Variants in C11orf65 observed in about 807,000 individuals in gnomAD.
C11orf65 encodes the protein chromosome 11 open reading frame 65, also known as protein MFI.
A neutral mutation model predicts 35.3 loss-of-function variants in C11orf65; 38 were observed. The observed-to-expected ratio is 1.08, with a 90% CI of 0.83 to 1.41. The LOEUF is 1.41. C11orf65 is among the 40% of genes most tolerant of loss of function. The pLI is 0.00. For missense variants in C11orf65, 370 were observed against 367.1 expected (o/e 1.01, Z -0.06); for synonymous variants, 105 against 114.4 (o/e 0.92, Z 0.53).
At position 108,345,885 on chromosome 11, in the gene C11orf65, G is replaced by T. The variant is rs1060501605; in HGVS notation, c.227-10593C>A. On this transcript the variant is annotated intron_variant, in intron 2 of 3. Coordinates refer to the C11orf65 transcript ENST00000524755. ...TTTGAGAAGCGATTGGCTTATACGC[G>T]CAGTGTAGCTACTTCTTCTATTGGT... 1.9e-6 allele frequency: 3 copies of T among 1,613,546 alleles called. No individual in the cohort carries two copies. The highest frequency in any genetic ancestry group is 3.3e-5 in the Admixed American group (2 of 59,972).
intron 2 of C11orf65, chr11:108,355,369 T>G (rs1223661736): frequency 5.7e-6 from 1 of 176,232 alleles, no homozygotes; most frequent in East Asian, 1.5e-4. Context: ...GTCTTAACTT[T>G]GGGACAGCTC....
At chr11:108,462,997 C>A (rs531779598) in intron 1 of C11orf65, among the ~76,000 whole-genome samples, 35 of 152,154 alleles carry the variant, frequency 2.3e-4, no homozygotes, top group African/African-American at 6.5e-4. Flanking sequence ...CAGGTTGGCA[C>A]ATACTGTAGT....
chr11:108,443,119 G>A (rs972434023), intron 2 of C11orf65, among the ~76,000 whole-genome samples: 1 of 152,122 alleles, frequency 6.6e-6, no homozygotes, highest in Admixed American at 6.5e-5. Context: ...AAGGGATGGA[G>A]GAAGATCTAA....
intron 2 of C11orf65, among the ~76,000 whole-genome samples, chr11:108,346,072 C>T (rs747357869): frequency 1.3e-5 from 2 of 152,122 alleles, no homozygotes; most frequent in Non-Finnish European, 2.9e-5. Context: ...GTTTCTTGTT[C>T]ATCCTGATTC....
chr11:108,308,664 G>A (rs950933932), exon 7 of C11orf65: 3 of 271,236 alleles, frequency 1.1e-5, no homozygotes, highest in Non-Finnish European at 2.1e-5. Context: ...TCATAAGTGT[G>A]TATGGTGGTG....
At chr11:108,444,941 C>T (rs1471496340) in intron 2 of C11orf65, among the ~76,000 whole-genome samples, 2 of 152,172 alleles carry the variant, frequency 1.3e-5, no homozygotes, top group Non-Finnish European at 2.9e-5. Context: ...TAAAAAACGG[C>T]ACACCAGGAG....
intron 7 of C11orf65, among the ~76,000 whole-genome samples, 191 bp downstream of exon 7, chr11:108,393,017 C>G (rs1172645040): frequency 6.6e-6 from 1 of 152,030 alleles, no homozygotes. Flanking sequence ...TTTCTGTTTA[C>G]TATTTTTGGA....
At chr11:108,364,759 A>G (rs1450525472) in intron 2 of C11orf65, among the ~76,000 whole-genome samples, 1 of 152,210 alleles carries the variant, frequency 6.6e-6, no homozygotes, top group Non-Finnish European at 1.5e-5. Flanking sequence ...AAGCAAATAC[A>G]CTAACCCAGG....
At chr11:108,458,489 C>A (rs1240166681) in intron 2 of C11orf65, among the ~76,000 whole-genome samples, 1 of 151,990 alleles carries the variant, frequency 6.6e-6, no homozygotes, top group Non-Finnish European at 1.5e-5. Flanking sequence ...TCAGGATCAG[C>A]ACAAATCATG....
chr11:108,393,476 T>G, intron 6 of C11orf65, 98 bp from the exon 7 acceptor site: 1 of 1,112,948 alleles, frequency 9.0e-7, no homozygotes, highest in Non-Finnish European at 1.3e-6. Context: ...ATATTAAAAC[T>G]ATTTGCATAT....
At chr11:108,309,238 TCA>T (rs926773456) in intron 6 of C11orf65, among the ~76,000 whole-genome samples, 1 of 152,198 alleles carries the variant, frequency 6.6e-6, no homozygotes, top group Non-Finnish European at 1.5e-5. Flanking sequence ...TCTTTGAACC[TCA>T]GTCTTATCAT....
At chr11:108,385,864 G>C in intron 8 of C11orf65, 56 bp downstream of exon 8, 1 of 1,354,078 alleles carries the variant, frequency 7.4e-7, no homozygotes. Context: ...TACGTGTGTG[G>C]AATGTATTTT....
intron 6 of C11orf65, among the ~76,000 whole-genome samples, chr11:108,322,889 A>G (rs542338234): frequency 6.6e-6 from 1 of 151,660 alleles, no homozygotes; most frequent in East Asian, 1.9e-4. Flanking sequence ...GCTACTAGAT[A>G]AAAGAAGTGG....
intron 2 of C11orf65, among the ~76,000 whole-genome samples, chr11:108,448,316 G>A (rs1343039856): frequency 6.6e-6 from 1 of 152,242 alleles, no homozygotes; most frequent in East Asian, 1.9e-4. Flanking sequence ...CGAAAGCCAG[G>A]CAGAGACACA....
intron 2 of C11orf65, among the ~76,000 whole-genome samples, chr11:108,348,744 TGAGAG>T (rs2088808724): frequency 6.6e-6 from 1 of 152,140 alleles, no homozygotes; most frequent in Non-Finnish European, 1.5e-5. Flanking sequence ...AATAATATAT[TGAGAG>T]GAGAGAAAAT....
intron 2 of C11orf65, among the ~76,000 whole-genome samples, chr11:108,438,885 A>C (rs1812008399): frequency 6.6e-6 from 1 of 152,030 alleles, no homozygotes; most frequent in African/African-American, 2.4e-5. Flanking sequence ...GGTCGCCTGT[A>C]GTCCCAGCTA....
intron 2 of C11orf65, among the ~76,000 whole-genome samples, chr11:108,338,795 G>A (rs899408884): frequency 1.3e-5 from 2 of 152,178 alleles, no homozygotes; most frequent in Non-Finnish European, 2.9e-5. Flanking sequence ...AGCCAGTAAT[G>A]TTATTTTGAG....
At chr11:108,411,324 G>T (rs2092653141) in intron 3 of C11orf65, among the ~76,000 whole-genome samples, 1 of 152,080 alleles carries the variant, frequency 6.6e-6, no homozygotes, top group South Asian at 2.1e-4. Context: ...ACTGGGACTA[G>T]AAAACATTCT....
intron 2 of C11orf65, among the ~76,000 whole-genome samples, chr11:108,372,904 T>C (rs1179884676): frequency 6.6e-6 from 1 of 151,812 alleles, no homozygotes; most frequent in East Asian, 1.9e-4. Context: ...TGAAACCCCA[T>C]CTCTACCAAA....
Sources: allele counts gnomAD v4.1 joint callset (sites outside exome capture counted in the v4.1 genomes callset), GRCh38; gene constraint gnomAD v4.1.1; transcripts MANE v1.5; gene names NCBI Gene and HGNC (gene_info 2026-07-23, HGNC 2026-07-21).